PCDHGB2: variants seen among roughly 807,000 people sequenced by gnomAD.
The protein encoded by PCDHGB2 is protocadherin gamma subfamily B, 2, also known as protocadherin gamma-B2.
A neutral mutation model predicts 59.3 loss-of-function variants in PCDHGB2; 55 were observed. That is an observed-to-expected ratio of 0.93 (90% CI 0.75 to 1.16). The LOEUF is 1.16. PCDHGB2 is among the 50% of genes most tolerant of loss of function. PCDHGB2 has a pLI of 0.00. For missense variants in PCDHGB2, 1,228 were observed against 1,198.5 expected (o/e 1.02, Z -0.36); for synonymous variants, 516 against 512.0 (o/e 1.01, Z -0.11).
chr5:141,394,033 G>A, intron 1 of PCDHGB2: 7 of 1,613,540 alleles, frequency 4.3e-6, no homozygotes, highest in Non-Finnish European at 5.9e-6. Context: ...TTAGTGACAA[G>A]GAAATATTTG....
intron 2 of PCDHGB2, among the ~76,000 whole-genome samples, chr5:141,503,091 G>A (rs2099818095): frequency 6.6e-6 from 1 of 151,808 alleles, no homozygotes; most frequent in African/African-American, 2.4e-5. Flanking sequence ...CTGACCTCGT[G>A]GTCTGCCCGC....
intron 1 of PCDHGB2, chr5:141,404,338 G>A (rs752211796): frequency 1.9e-5 from 30 of 1,613,686 alleles, no homozygotes; most frequent in Non-Finnish European, 2.4e-5. Flanking sequence ...TCTACCTCCC[G>A]GAAAACAACG....
intron 1 of PCDHGB2, chr5:141,433,015 C>T (rs2154555449): frequency 2.5e-6 from 4 of 1,614,172 alleles, no homozygotes; most frequent in South Asian, 2.2e-5. Flanking sequence ...TCCTGCAGAC[C>T]TATTCCCACG....
chr5:141,389,576 G>C, intron 1 of PCDHGB2: 1 of 1,613,196 alleles, frequency 6.2e-7, no homozygotes, highest in East Asian at 2.2e-5. Context: ...TGTACCCCGC[G>C]CTGGGTCCCG....
chr5:141,388,382 A>T, intron 1 of PCDHGB2: 1 of 1,614,018 alleles, frequency 6.2e-7, no homozygotes, highest in Non-Finnish European at 8.5e-7. Flanking sequence ...GTAGCAACAC[A>T]CTGCAGAATT....
At chr5:141,462,280 C>T (rs927977920) in intron 1 of PCDHGB2, among the ~76,000 whole-genome samples, 15 of 152,146 alleles carry the variant, frequency 9.9e-5, no homozygotes, top group African/African-American at 3.4e-4. Context: ...TGTTTAGTCA[C>T]CAAATATGTA....
chr5:141,384,138 AAC>A (rs758587148), intron 1 of PCDHGB2: 5 of 1,612,622 alleles, frequency 3.1e-6, no homozygotes, highest in Non-Finnish European at 4.2e-6. Flanking sequence ...TGGACCGGGA[AAC>A]ACTCTCTTTG....
chr5:141,422,580 C>T (rs1310564205), intron 1 of PCDHGB2: 10 of 1,613,934 alleles, frequency 6.2e-6, no homozygotes, highest in Non-Finnish European at 8.5e-6. Flanking sequence ...ATAACCCTCC[C>T]GTTTTTCCTC....
intron 1 of PCDHGB2, chr5:141,389,990 C>A (rs2091998485): frequency 6.2e-7 from 1 of 1,613,926 alleles, no homozygotes; most frequent in African/African-American, 1.3e-5. Flanking sequence ...TGCTCTTCCT[C>A]GTGGCCATGA....
intron 1 of PCDHGB2, chr5:141,376,312 G>A (rs984837472): frequency 6.2e-7 from 1 of 1,614,060 alleles, no homozygotes; most frequent in African/African-American, 1.3e-5. Flanking sequence ...TTGTGGGCGT[G>A]GAAGGGGTTC....
chr5:141,488,450 C>T (rs2154581002), intron 1 of PCDHGB2, among the ~76,000 whole-genome samples: 1 of 152,314 alleles, frequency 6.6e-6, no homozygotes, highest in East Asian at 1.9e-4. Context: ...TCCTGGGTGA[C>T]CTGATTCAGC....
intron 1 of PCDHGB2, chr5:141,383,606 A>G (rs368778165): frequency 6.2e-7 from 1 of 1,613,768 alleles, no homozygotes; most frequent in Non-Finnish European, 8.5e-7. Flanking sequence ...GTGGATGTGA[A>G]TGACCACACG....
chr5:141,459,284 A>C (rs2098965103), intron 1 of PCDHGB2, among the ~76,000 whole-genome samples: 1 of 152,174 alleles, frequency 6.6e-6, no homozygotes, highest in African/African-American at 2.4e-5. Flanking sequence ...ATTTCATCTA[A>C]ATGGAATCCT....
chr5:141,494,921 A>C (rs1345734925), intron 2 of PCDHGB2, 56 bp downstream of exon 2: 6 of 1,613,556 alleles, frequency 3.7e-6, no homozygotes, highest in Non-Finnish European at 5.1e-6. Flanking sequence ...CTCAGGGATG[A>C]CGTGGGAGGA....
chr5:141,504,161 T>C (rs931754061), intron 2 of PCDHGB2, among the ~76,000 whole-genome samples: 1 of 152,196 alleles, frequency 6.6e-6, no homozygotes, highest in Non-Finnish European at 1.5e-5. Context: ...AATAATTTCA[T>C]CCTTGGAAAT....
intron 1 of PCDHGB2, among the ~76,000 whole-genome samples, chr5:141,434,579 A>T (rs931282309): frequency 6.6e-6 from 1 of 152,232 alleles, no homozygotes; most frequent in African/African-American, 2.4e-5. Context: ...CCTGCTGCAG[A>T]TAACTACCTC....
At chr5:141,366,042 G>A (rs1221134506) in intron 1 of PCDHGB2, 5 of 1,614,242 alleles carry the variant, frequency 3.1e-6, no homozygotes, top group Non-Finnish European at 4.2e-6. Flanking sequence ...CCCACAGACG[G>A]TTCCACGGGC....
chr5:141,400,092 G>T, intron 1 of PCDHGB2: 1 of 1,614,060 alleles, frequency 6.2e-7, no homozygotes, highest in Non-Finnish European at 8.5e-7. Context: ...CCACCGCCAC[G>T]CTGCACTTGG....
intron 2 of PCDHGB2, among the ~76,000 whole-genome samples, chr5:141,501,075 A>C (rs980856799): frequency 6.6e-6 from 1 of 151,366 alleles, no homozygotes; most frequent in African/African-American, 2.4e-5. Context: ...CACCATGTTG[A>C]CCAGGATGGT....
Sources: gnomAD v4.1 joint callset for allele counts (sites outside exome capture counted in the v4.1 genomes callset) on GRCh38, gnomAD v4.1.1 for gene constraint, MANE v1.5 for transcripts, NCBI Gene and HGNC (gene_info 2026-07-23, HGNC 2026-07-21) for gene names.